Variants in TICRR observed in about 807,000 individuals in gnomAD.
The protein encoded by TICRR is TOPBP1 interacting checkpoint and replication regulator, also known as treslin.
In TICRR, 132 loss-of-function variants were observed where a neutral mutation model predicts 178.1. That is an observed-to-expected ratio of 0.74 (90% CI 0.64 to 0.86). The LOEUF is 0.86. TICRR is among the 40% of genes least tolerant of loss of function. TICRR has a pLI of 0.00. For missense variants in TICRR, 2,587 were observed against 2,334.3 expected (o/e 1.11, Z -2.23); for synonymous variants, 991 against 900.7 (o/e 1.10, Z -1.79).
intron 6 of TICRR, 104 bp downstream of exon 6, chr15:89,594,658 A>G (rs1962967191): frequency 2.1e-6 from 2 of 966,658 alleles, no homozygotes; most frequent in South Asian, 6.2e-5. Flanking sequence ...AACTAAATAA[A>G]GAAGGGCAAA....
At chr15:89,587,254 G>A (rs1243776188) in intron 4 of TICRR, among the ~76,000 whole-genome samples, 1 of 152,154 alleles carries the variant, frequency 6.6e-6, no homozygotes, top group African/African-American at 2.4e-5. Context: ...CTGGGGTGGT[G>A]AGGACTGGAG....
intron 17 of TICRR, among the ~76,000 whole-genome samples, chr15:89,619,288 TGCTCTCC>T (rs2141979402): frequency 7.0e-6 from 1 of 141,958 alleles, no homozygotes; most frequent in Non-Finnish European, 1.5e-5. Context: ...TGCACTGGCA[TGCTCTCC>T]GCTCACTGCA....
In TICRR at chr15:89,625,752, A is replaced by G. The variant is rs1412269820; in HGVS notation, c.5442A>G (p.Leu1814=). Residue 1814 remains leucine, a synonymous_variant, in exon 20 of 22, where the codon CTA becomes CTG. Transcript: ENST00000268138. ...CTCCAAGTTGGAGTGCATGGCAGCTACCCTCCACGGGAGACGAAGAGGTGT... is the reference window on the plus strand; with the variant it reads ...CTCCAAGTTGGAGTGCATGGCAGCTGCCCTCCACGGGAGACGAAGAGGTGT... ...EGSPSWSAWQ[L]PSTGDEEVFV... is the part of the protein sequence containing the mutation. The G allele has an allele frequency of 6.2e-7, 1 of 1,612,070 alleles. No individual in the cohort carries two copies. Among genetic ancestry groups the G allele is most frequent in the Non-Finnish European group, 8.5e-7 (1 of 1,179,178 alleles).
intron 11 of TICRR, 21 bp downstream of exon 11, chr15:89,601,589 CTT>C: frequency 6.2e-7 from 1 of 1,613,146 alleles, no homozygotes. Context: ...TGGTTACTAA[CTT>C]AACTTTAAAA....
At chr15:89,577,563 G>A (rs1962645366) in intron 1 of TICRR, among the ~76,000 whole-genome samples, 1 of 148,778 alleles carries the variant, frequency 6.7e-6, no homozygotes, top group Admixed American at 6.7e-5. Context: ...GGAGTAGAAG[G>A]TGGTTATTGT....
At chr15:89,581,652 A>G (rs1962727806) in intron 1 of TICRR, among the ~76,000 whole-genome samples, 2 of 152,198 alleles carry the variant, frequency 1.3e-5, no homozygotes, top group South Asian at 2.1e-4. Context: ...GTGGGGGTGG[A>G]TGAGGGGTAG....
At chr15:89,606,229 C>A (rs1224907762) in intron 13 of TICRR, among the ~76,000 whole-genome samples, 1 of 152,150 alleles carries the variant, frequency 6.6e-6, no homozygotes, top group African/African-American at 2.4e-5. Flanking sequence ...CCTTTTTCCT[C>A]CCTATCACAG....
rs750009877 is a variant in TICRR at position 89,608,841 on chromosome 15, T to C, written c.2761T>C (p.Leu921=). 6.7e-5 allele frequency: 107 copies of C among 1,604,444 alleles called. 3 individuals carry two copies. In the South Asian group the frequency reaches 8.2e-4, roughly 12 times the overall value. Residue 921 remains leucine, a synonymous_variant, in exon 15 of 22, where the codon TTG becomes CTG. Coordinates refer to ENST00000268138, the MANE Select transcript of TICRR (RefSeq NM_152259.4). The part of the protein sequence containing the change: ...KVRRNLFNQE[L]LSPSKRSLKR... ...TCGAAGAAATCTTTTCAACCAGGAA[T>C]TGCTTTCCCCTTCAAAGAGATCACT...
intron 15 of TICRR, among the ~76,000 whole-genome samples, chr15:89,611,387 A>G (rs942672099): frequency 2.6e-5 from 4 of 152,070 alleles, no homozygotes; most frequent in Non-Finnish European, 5.9e-5. Context: ...CTGCTTCTCT[A>G]TTGCTGCTTT....
chr15:89,588,937 G>T (rs1263103649), intron 4 of TICRR, among the ~76,000 whole-genome samples: 1 of 152,154 alleles, frequency 6.6e-6, no homozygotes, highest in Non-Finnish European at 1.5e-5. Context: ...TGATCTGGAA[G>T]AGGCAAGGAG....
In TICRR at chr15:89,615,282, G is replaced by A. The variant is rs116296559; in HGVS notation, c.2870-1123G>A. 7.9e-3 allele frequency among the ~76,000 whole-genome samples: 1,206 copies of A among 152,296 alleles called. 17 individuals carry two copies. Among genetic ancestry groups the A allele is most frequent in the African/African-American group, 0.028 (1,145 of 41,574 alleles). On this transcript the variant is annotated intron_variant, in intron 15 of 21. Coordinates refer to ENST00000268138, the MANE Select transcript of TICRR (RefSeq NM_152259.4). ...CTTGATTTGAGTAGGATTCTCCAGG[G>A]AACTGCCAGACAGGTTAATGGATGA...
chr15:89,576,243 A>G lies in TICRR; in HGVS notation c.654+3A>G, dbSNP rs766159194. The G allele has an allele frequency of 2.6e-6, 4 of 1,545,672 alleles. No homozygotes were observed. The highest frequency in any genetic ancestry group is 1.4e-5 in the African/African-American group (1 of 73,438). On this transcript the variant is annotated splice_donor_region_variant and intron_variant, in intron 1 of 21. Coordinates refer to ENST00000268138, the MANE Select transcript of TICRR (RefSeq NM_152259.4). ...TGGATACCACCGAATGGTCTAAGGT[A>G]AGGAAGGTTACTGTCGTCTCAGATG...
chr15:89,601,077 C>T (rs1244557100), intron 9 of TICRR, among the ~76,000 whole-genome samples: 1 of 138,100 alleles, frequency 7.2e-6, no homozygotes, highest in Non-Finnish European at 1.6e-5. Context: ...AAAAAGATTA[C>T]CAACTGCATG....
chr15:89,575,893 G>T lies in TICRR; in HGVS notation c.307G>T (p.Ala103Ser). 1 of 1,588,248 alleles carries T rather than the reference G, an allele frequency of 6.3e-7. No individual in the cohort carries two copies. Reference protein sequence around the residue: ...PAPRATHTHGALMETLLDYQW... With the variant: ...PAPRATHTHGSLMETLLDYQW... ...GCCCAGGGCCACCCACACGCACGGC[G>T]CCCTGATGGAGACGCTGCTAGACTA... Residue 103 changes from alanine to serine, a missense_variant, in exon 1 of 22, where the codon GCC becomes TCC. Ala to Ser is a moderately conservative substitution (Grantham distance 99, BLOSUM62 1). Coordinates refer to ENST00000268138, the MANE Select transcript of TICRR (RefSeq NM_152259.4).
chr15:89,583,228 G>A (rs1175225413), intron 2 of TICRR, among the ~76,000 whole-genome samples: 4 of 152,188 alleles, frequency 2.6e-5, no homozygotes, highest in Non-Finnish European at 4.4e-5. Context: ...TCCCAAAGAA[G>A]GGTAATATTA....
In TICRR at chr15:89,625,507, C is replaced by T. The variant is rs1299012604; in HGVS notation, c.5197C>T (p.Pro1733Ser). ...HGLELSIHRT[P>S]ILEDFELEGV... ...CCTTGAACTCAGCATCCACAGGACG[C>T]CCATCTTGGAGGATTTTGAGCTCGA... The change falls in exon 20 of 22, where the codon CCC becomes TCC. Residue 1733 changes from proline (P) to serine (S), a missense_variant. Physicochemically the swap from Pro to Ser is moderately conservative, Grantham distance 74. Transcript: ENST00000268138. The T allele has an allele frequency of 6.2e-7, 1 of 1,613,886 alleles. No homozygotes were observed. Among genetic ancestry groups the T allele is most frequent in the Non-Finnish European group, 8.5e-7 (1 of 1,180,024 alleles).
In TICRR at chr15:89,592,112, G is replaced by A; in HGVS notation, c.1477G>A (p.Val493Met). 1 of 1,612,514 alleles carries A rather than the reference G, an allele frequency of 6.2e-7. No individual in the cohort carries two copies. Among genetic ancestry groups the A allele is most frequent in the Non-Finnish European group, 8.5e-7 (1 of 1,178,658 alleles). Residue 493 changes from valine (V) to methionine (M), a missense_variant, in exon 5 of 22, where the codon GTG becomes ATG. Transcript: ENST00000268138. ...GHTTPWSPAV[V>M]EKWFPFCNIS... ...CACCACTCCCTGGAGTCCAGCTGTT[G>A]TGGAAAAGTGGTTTCCTTTCTGTAA...
intron 15 of TICRR, 107 bp downstream of exon 15, chr15:89,609,056 C>CT: frequency 4.2e-6 from 3 of 717,140 alleles, no homozygotes; most frequent in South Asian, 2.7e-5. Flanking sequence ...CTTCTTCCCT[C>CT]TTTTTTCCTT....
chr15:89,602,776 A>C lies in TICRR; in HGVS notation c.2568-20A>C, dbSNP rs1963117988. 7.6e-7 allele frequency: 1 copy of C among 1,322,378 alleles called. No homozygotes were observed. The highest frequency in any genetic ancestry group is 1.0e-6 in the Non-Finnish European group (1 of 992,686). The allele number at this position is 1,322,378 out of a possible 1,614,324, so 81.9% of individuals were successfully genotyped here. A position where few individuals can be genotyped will look rare whatever the true frequency, so the allele number is the denominator to read the frequency against. On this transcript the variant is annotated intron_variant, in intron 12 of 21. Coordinates refer to ENST00000268138, the MANE Select transcript of TICRR (RefSeq NM_152259.4). ...TATAACCTCTATCTAGTATGTATTA[A>C]CTATTTCTATTTTTAAAAGGAAAAA...
Sources: gnomAD v4.1 joint callset for allele counts (sites outside exome capture counted in the v4.1 genomes callset) on GRCh38, gnomAD v4.1.1 for gene constraint, MANE v1.5 for transcripts, NCBI Gene and HGNC (gene_info 2026-07-23, HGNC 2026-07-21) for gene names.